IP6K1: variants seen among roughly 807,000 people sequenced by gnomAD.
IP6K1 encodes ATP:1D-myo-inositol-hexakisphosphate phosphotransferase.
Under a neutral mutation model 38.3 loss-of-function variants are expected in IP6K1, and 13 were observed. The observed-to-expected ratio is 0.34, with a 90% CI of 0.22 to 0.54. The LOEUF is 0.54. IP6K1 is among the 20% of genes least tolerant of loss of function. The pLI, the probability that IP6K1 is intolerant of heterozygous loss-of-function variation, is 0.92. For synonymous variants in IP6K1, 212 were observed against 229.9 expected, an observed-to-expected ratio of 0.92 and a Z score of 0.70; for missense variants, 397 against 599.8, an observed-to-expected ratio of 0.66 and a Z score of 3.53.
chr3:49,756,085 C>G (rs2080819932), intron 1 of IP6K1, among the ~76,000 whole-genome samples: 1 of 152,106 alleles, frequency 6.6e-6, no homozygotes, highest in African/African-American at 2.4e-5. Flanking sequence ...CTAGAGTAAT[C>G]TGGGAGAAGA....
intron 1 of IP6K1, among the ~76,000 whole-genome samples, chr3:49,749,887 G>T (rs577391557): frequency 6.7e-6 from 1 of 150,180 alleles, no homozygotes; most frequent in East Asian, 2.0e-4. Context: ...ATACTACCTG[G>T]GACAAGGCAA....
At chr3:49,779,842 T>C (rs915462007) in intron 1 of IP6K1, among the ~76,000 whole-genome samples, 1 of 152,090 alleles carries the variant, frequency 6.6e-6, no homozygotes, top group Non-Finnish European at 1.5e-5. Context: ...AATGCCACTA[T>C]GCTCGTTTAA....
chr3:49,781,343 G>A (rs558390634), intron 1 of IP6K1, among the ~76,000 whole-genome samples: 3 of 152,276 alleles, frequency 2.0e-5, no homozygotes, highest in African/African-American at 7.2e-5. Context: ...GATTACAGGC[G>A]TGACCCACTG....
In IP6K1 at chr3:49,727,998, C is replaced by T. The variant is rs2080524259; in HGVS notation, c.792+105G>A. ...CCATATCAAAGTCAACAGGTAAGGACAGAGGGGCTCAGGAGGACACACTTG... is the reference window on the plus strand; with the variant it reads ...CCATATCAAAGTCAACAGGTAAGGATAGAGGGGCTCAGGAGGACACACTTG... On this transcript the variant is annotated intron_variant, in intron 5 of 5. Coordinates refer to ENST00000321599, the MANE Select transcript of IP6K1 (RefSeq NM_153273.4). The surrounding 1 kb of genome is among the most constrained non-coding windows in gnomAD (Gnocchi z 5.9). 8.5e-7 allele frequency: 1 copy of T among 1,181,632 alleles called. No individual in the cohort carries two copies. Among genetic ancestry groups the T allele is most frequent in the Admixed American group, 1.9e-5 (1 of 52,476 alleles). 73.2% of individuals were successfully genotyped at this position (1,181,632 alleles called of 1,614,324 possible). A position where few individuals can be genotyped will look rare whatever the true frequency, so the allele number is the denominator to read the frequency against.
chr3:49,755,801 AAC>A (rs1186917360), intron 1 of IP6K1, among the ~76,000 whole-genome samples: 14 of 152,236 alleles, frequency 9.2e-5, no homozygotes, highest in African/African-American at 3.4e-4. Context: ...CCAACATGAA[AAC>A]ACGTTTGTCC....
At chr3:49,751,426 C>T (rs573984447) in intron 1 of IP6K1, among the ~76,000 whole-genome samples, 1 of 152,174 alleles carries the variant, frequency 6.6e-6, no homozygotes, top group African/African-American at 2.4e-5. Flanking sequence ...TCCCACAGTG[C>T]TGGGATTACA....
Position 49,786,533 on chromosome 3 carries a change from G to C in IP6K1, c.-308C>G, listed in dbSNP as rs1319819245. On this transcript the variant is annotated 5_prime_UTR_variant, in exon 1 of 6. In the 5' UTR this introduces an upstream ATG that the reference lacks. Coordinates refer to ENST00000321599, the MANE Select transcript of IP6K1 (RefSeq NM_153273.4). Reference sequence around the variant, plus strand: ...CCCACTGGGTACGGATCAACAACAAGATGGCGGCTAGCCGAGGGGGCGGGG... The same window carrying C: ...CCCACTGGGTACGGATCAACAACAACATGGCGGCTAGCCGAGGGGGCGGGG... 1 of 152,696 alleles carries C rather than the reference G, an allele frequency of 6.5e-6. No individual in the cohort carries two copies. The highest frequency in any genetic ancestry group is 1.9e-4 in the East Asian group (1 of 5,204). 9.5% of individuals were successfully genotyped at this position (152,696 alleles called of 1,614,324 possible). A position where few individuals can be genotyped will look rare whatever the true frequency, so the allele number is the denominator to read the frequency against.
chr3:49,784,803 G>C (rs531890820), intron 1 of IP6K1, among the ~76,000 whole-genome samples: 1 of 152,018 alleles, frequency 6.6e-6, no homozygotes, highest in South Asian at 2.1e-4. Flanking sequence ...AAATTAGCCA[G>C]GTGTGGTGGC....
At chr3:49,779,033 T>C (rs144006725) in intron 1 of IP6K1, among the ~76,000 whole-genome samples, 1 of 152,344 alleles carries the variant, frequency 6.6e-6, no homozygotes, top group East Asian at 1.9e-4. Context: ...AAAAAAAGTA[T>C]AAAATATTCA....
intron 2 of IP6K1, among the ~76,000 whole-genome samples, chr3:49,740,981 G>C (rs1044085054): frequency 6.6e-6 from 1 of 151,754 alleles, no homozygotes; most frequent in Admixed American, 6.6e-5. Flanking sequence ...CCTGAGGAGC[G>C]GGGATTACAG....
chr3:49,777,772 G>A (rs1265491522), intron 1 of IP6K1, among the ~76,000 whole-genome samples: 1 of 150,832 alleles, frequency 6.6e-6, no homozygotes, highest in African/African-American at 2.4e-5. Context: ...AAAATTAGCC[G>A]GGCGTGGTGG....
chr3:49,728,560 C>T (rs1327624068), intron 4 of IP6K1, among the ~76,000 whole-genome samples: 1 of 152,180 alleles, frequency 6.6e-6, no homozygotes, highest in Non-Finnish European at 1.5e-5. Context: ...TCTCTACTCA[C>T]AACCATCTAT....
chr3:49,755,819 A>C (rs1467547503), intron 1 of IP6K1, among the ~76,000 whole-genome samples: 1 of 152,248 alleles, frequency 6.6e-6, no homozygotes, highest in Non-Finnish European at 1.5e-5. Flanking sequence ...TGTCCTCTAA[A>C]TCTTACAACC....
At chr3:49,753,057 GGCC>G (rs1440869892) in intron 1 of IP6K1, among the ~76,000 whole-genome samples, 1 of 152,060 alleles carries the variant, frequency 6.6e-6, no homozygotes, top group Non-Finnish European at 1.5e-5. Context: ...CACTATGCCT[GGCC>G]GCCATTTCAC....
intron 1 of IP6K1, among the ~76,000 whole-genome samples, chr3:49,776,951 T>G (rs900574360): frequency 1.4e-4 from 21 of 152,242 alleles, no homozygotes; most frequent in African/African-American, 5.1e-4. Flanking sequence ...ATCTTTTCAC[T>G]GGGCCGGGCA....
intron 1 of IP6K1, among the ~76,000 whole-genome samples, chr3:49,754,375 CA>C (rs34045136): frequency 0.53 from 79,539 of 149,678 alleles, 21,849 homozygotes; most frequent in East Asian, 0.83. Context: ...GATCTTGTCT[CA>C]GGGGAAAAAA....
chr3:49,744,941 C>G (rs554244140), intron 2 of IP6K1, among the ~76,000 whole-genome samples: 1 of 152,214 alleles, frequency 6.6e-6, no homozygotes, highest in Admixed American at 6.5e-5. Flanking sequence ...TTAGTATGAC[C>G]AGCTACAATC....
chr3:49,725,931 G>C lies in IP6K1; in HGVS notation c.*1191C>G, dbSNP rs1469931806. On this transcript the variant is annotated 3_prime_UTR_variant, in exon 6 of 6. Coordinates refer to ENST00000321599, the MANE Select transcript of IP6K1 (RefSeq NM_153273.4). ...GGGGCAAAAGCTCACCTCAGAAGTG[G>C]AAGTGTTCTGCTGAGGAAAGCATGA... 6.6e-6 allele frequency: 1 copy of C among 152,264 alleles called. No homozygotes were observed. The highest frequency in any genetic ancestry group is 6.5e-5 in the Admixed American group (1 of 15,280). 9.4% of individuals were successfully genotyped at this position (152,264 alleles called of 1,614,324 possible).
chr3:49,754,517 C>G (rs570647842), intron 1 of IP6K1, among the ~76,000 whole-genome samples: 1 of 152,210 alleles, frequency 6.6e-6, no homozygotes, highest in African/African-American at 2.4e-5. Flanking sequence ...GATGCTGTCT[C>G]AATGACAATA....
Sources: gnomAD v4.1 joint callset for allele counts (sites outside exome capture counted in the v4.1 genomes callset) on GRCh38, gnomAD v4.1.1 for gene constraint, Gnocchi (gnomAD v3.1) non-coding constraint, MANE v1.5 for transcripts, NCBI Gene and HGNC (gene_info 2026-07-23, HGNC 2026-07-21) for gene names.